Variants in HSPA12A observed in about 807,000 individuals in gnomAD.
The protein encoded by HSPA12A is heat shock 70 kDa protein 12A.
HSPA12A carries 28 observed loss-of-function variants against 69.2 expected under a neutral mutation model. That is an observed-to-expected ratio of 0.40 (90% CI 0.30 to 0.55). The LOEUF (loss-of-function observed/expected upper bound fraction) is 0.55. HSPA12A is among the 20% of genes least tolerant of loss of function. The probability of loss-of-function intolerance (pLI) is 0.38; values close to 1 mark genes in which losing one functional copy is unlikely to be tolerated. For synonymous variants in HSPA12A, 345 were observed against 370.5 expected, an observed-to-expected ratio of 0.93 and a Z score of 0.79; for missense variants, 686 against 900.7, an observed-to-expected ratio of 0.76 and a Z score of 3.05.
At chr10:116,756,926 C>G (rs1843862552) in intron 2 of HSPA12A, among the ~76,000 whole-genome samples, 1 of 152,124 alleles carries the variant, frequency 6.6e-6, no homozygotes, top group Admixed American at 6.5e-5. Context: ...TTACTAGATG[C>G]CAGGCATCCT....
intron 2 of HSPA12A, among the ~76,000 whole-genome samples, chr10:116,812,181 G>A (rs1237339983): frequency 2.0e-5 from 3 of 152,148 alleles, no homozygotes; most frequent in South Asian, 4.1e-4. Flanking sequence ...GGCTGGGCAC[G>A]CTGGCTCATG....
chr10:116,783,427 C>T (rs1424914403), intron 2 of HSPA12A, among the ~76,000 whole-genome samples: 2 of 152,114 alleles, frequency 1.3e-5, no homozygotes, highest in African/African-American at 2.4e-5. Context: ...GGTCTGCCCA[C>T]GATTATTGAC....
chr10:116,699,591 G>A (rs1233761965), intron 4 of HSPA12A, among the ~76,000 whole-genome samples: 1 of 152,180 alleles, frequency 6.6e-6, no homozygotes, highest in Non-Finnish European at 1.5e-5. Flanking sequence ...AGCTAGCCAT[G>A]TGGAGCCCGT....
At chr10:116,714,065 AGGTG>A (rs1237327097) in intron 1 of HSPA12A, among the ~76,000 whole-genome samples, 1 of 132,316 alleles carries the variant, frequency 7.6e-6, no homozygotes, top group South Asian at 2.5e-4. Flanking sequence ...ATGGATGGAT[AGGTG>A]GGTGGGTGGG....
At chr10:116,810,995 C>T (rs564939310) in intron 2 of HSPA12A, among the ~76,000 whole-genome samples, 4 of 152,082 alleles carry the variant, frequency 2.6e-5, no homozygotes, top group Admixed American at 6.6e-5. Flanking sequence ...AGATAATCAC[C>T]GGCTGTAGTT....
At chr10:116,800,088 C>T (rs1009352289) in intron 2 of HSPA12A, among the ~76,000 whole-genome samples, 2 of 152,182 alleles carry the variant, frequency 1.3e-5, no homozygotes, top group Non-Finnish European at 2.9e-5. Context: ...GAACTAGAAA[C>T]CCGCTTCTCC....
intron 1 of HSPA12A, 53 bp from the exon 2 acceptor site, chr10:116,707,338 G>T: frequency 2.1e-6 from 3 of 1,401,686 alleles, no homozygotes; most frequent in Non-Finnish European, 3.0e-6. Context: ...CTGACCCAGG[G>T]GGAAGAAATG....
rs192074412 is a variant in HSPA12A at position 116,675,189 on chromosome 10, G to A, written c.1620C>T (p.Gly540=). Reference sequence around the variant, plus strand: ...TGCCCTCCACGTAGCGGTTCAGCACGCCTACCCCGTAGGTGAGCGGCGACC... The same window carrying A: ...TGCCCTCCACGTAGCGGTTCAGCACACCTACCCCGTAGGTGAGCGGCGACC... ...VRRSPLTYGV[G]VLNRYVEGKH... Residue 540 remains glycine, a synonymous_variant, in exon 12 of 12, where the codon GGC becomes GGT. Transcript: ENST00000369209. This position sits in a 1 kb window ranked among gnomAD's most constrained non-coding sequence, Gnocchi z 5.2. 9.1e-4 allele frequency: 1,463 copies of A among 1,613,750 alleles called. 24 individuals are homozygous for A. In the East Asian group the frequency reaches 0.029, roughly 32 times the overall value.
chr10:116,673,738 A>C lies in HSPA12A; in HGVS notation c.*1043T>G, dbSNP rs1589614831. 6.6e-6 allele frequency: 1 copy of C among 152,326 alleles called. No homozygotes were observed. The highest frequency in any genetic ancestry group is 2.1e-4 in the South Asian group (1 of 4,828). The allele number at this position is 152,326 out of a possible 1,614,324, so 9.4% of individuals were successfully genotyped here. A position where few individuals can be genotyped will look rare whatever the true frequency, so the allele number is the denominator to read the frequency against. ...CTTGAAAAACTGAAGATTTTAATGA[A>C]ACATTGCATAGCACAGATTCTCTTC... On this transcript the variant is annotated 3_prime_UTR_variant, in exon 12 of 12. Transcript: ENST00000369209.
At chr10:116,769,958 C>G (rs540494418) in intron 2 of HSPA12A, among the ~76,000 whole-genome samples, 2 of 152,314 alleles carry the variant, frequency 1.3e-5, no homozygotes, top group East Asian at 3.9e-4. Flanking sequence ...TGAGAGTCAG[C>G]TCTCCAGGGA....
At chr10:116,728,162 C>T (rs1851036091) in intron 1 of HSPA12A, among the ~76,000 whole-genome samples, 1 of 152,076 alleles carries the variant, frequency 6.6e-6, no homozygotes, top group Non-Finnish European at 1.5e-5. Flanking sequence ...AGGCTGGTCT[C>T]AAACTCCTAA....
intron 2 of HSPA12A, among the ~76,000 whole-genome samples, chr10:116,770,397 G>A (rs1157644391): frequency 3.9e-5 from 6 of 152,244 alleles, no homozygotes; most frequent in Non-Finnish European, 8.8e-5. Flanking sequence ...TGCTTGTGAA[G>A]GGGCGGATCA....
At chr10:116,837,144 T>C (rs1196895149) in intron 1 of HSPA12A, among the ~76,000 whole-genome samples, 1 of 152,200 alleles carries the variant, frequency 6.6e-6, no homozygotes, top group Admixed American at 6.5e-5. Flanking sequence ...TAAATAGTCA[T>C]TGCCACACCA....
At chr10:116,793,879 C>T (rs1419141798) in intron 2 of HSPA12A, among the ~76,000 whole-genome samples, 3 of 151,584 alleles carry the variant, frequency 2.0e-5, no homozygotes, top group Admixed American at 2.0e-4. Context: ...ACATAAAGTC[C>T]TAACATATCA....
chr10:116,798,139 C>G (rs1269184490), intron 2 of HSPA12A, among the ~76,000 whole-genome samples: 11 of 132,116 alleles, frequency 8.3e-5, no homozygotes, highest in Admixed American at 7.6e-4. Flanking sequence ...AGGCCCCGAA[C>G]TGGACTTCCC....
Position 116,793,562 on chromosome 10 carries a change from C to T in HSPA12A, c.91+41373G>A, listed in dbSNP as rs142036290. Among the ~76,000 whole-genome samples, 34 of 140,530 alleles carry T rather than the reference C, an allele frequency of 2.4e-4. 1 individual carries two copies. In the East Asian group the frequency reaches 6.7e-3, roughly 28 times the overall value. The allele number at this position is 140,530 out of a possible 152,430, so 92.2% of individuals were successfully genotyped here. A position where few individuals can be genotyped will look rare whatever the true frequency, so the allele number is the denominator to read the frequency against. ...CTCTAACCTGGGTGACAGAGCAAGA[C>T]CCTGTCCCCACTGAAAACAACAAAC... On this transcript the variant is annotated intron_variant, in intron 2 of 12. Coordinates refer to the HSPA12A transcript ENST00000635765.
chr10:116,726,675 A>G (rs554972549), intron 1 of HSPA12A, among the ~76,000 whole-genome samples: 5 of 152,212 alleles, frequency 3.3e-5, no homozygotes, highest in Admixed American at 6.5e-5. Flanking sequence ...CCCGTCCCCA[A>G]TATCCCATCC....
intron 1 of HSPA12A, chr10:116,835,130 G>A (rs1161581832): frequency 8.7e-6 from 5 of 571,822 alleles, no homozygotes; most frequent in East Asian, 4.1e-5. Flanking sequence ...GGCAGCACCC[G>A]GCAGGAGGGA....
chr10:116,786,385 G>A (rs888564336), intron 2 of HSPA12A, among the ~76,000 whole-genome samples: 2 of 152,012 alleles, frequency 1.3e-5, no homozygotes, highest in Non-Finnish European at 1.5e-5. Flanking sequence ...CAGCTCCAGG[G>A]CCTATGGCCC....
Sources: allele counts gnomAD v4.1 joint callset (sites outside exome capture counted in the v4.1 genomes callset), GRCh38; gene constraint gnomAD v4.1.1; non-coding constraint Gnocchi (gnomAD v3.1); transcripts MANE v1.5; gene names NCBI Gene and HGNC (gene_info 2026-07-23, HGNC 2026-07-21).